Variants in TK2 observed in about 807,000 individuals in gnomAD.
TK2 encodes the protein thymidine kinase 2.
A neutral mutation model predicts 41.9 loss-of-function variants in TK2; 35 were observed. That is an observed-to-expected ratio of 0.84 (90% CI 0.64 to 1.11). TK2 has a LOEUF of 1.11. Ranked by LOEUF, TK2 falls within the 50% of genes least tolerant of loss-of-function variation. TK2 has a pLI of 0.00. For missense variants in TK2, 320 were observed against 351.1 expected (o/e 0.91, Z 0.71); for synonymous variants, 128 against 129.1 (o/e 0.99, Z 0.06).
At chr16:66,548,024 G>C in intron 2 of TK2, 1 of 1,205,458 alleles carries the variant, frequency 8.3e-7, no homozygotes, top group Non-Finnish European at 1.1e-6. Context: ...CTTGAGCCCA[G>C]GAGTTGGAGG....
chr16:66,535,942 C>A (rs529811559), intron 4 of TK2, among the ~76,000 whole-genome samples: 2 of 152,168 alleles, frequency 1.3e-5, no homozygotes, highest in African/African-American at 2.4e-5. Flanking sequence ...CAGTGGCTCA[C>A]GCCCGTAATC....
intron 3 of TK2, among the ~76,000 whole-genome samples, chr16:66,538,409 C>T (rs1018475364): frequency 2.0e-5 from 3 of 152,154 alleles, no homozygotes; most frequent in Non-Finnish European, 4.4e-5. Flanking sequence ...TCTTCCTAGC[C>T]CCTAAGTAGC....
At chr16:66,527,602 G>C (rs1964973968) in intron 6 of TK2, among the ~76,000 whole-genome samples, 1 of 152,206 alleles carries the variant, frequency 6.6e-6, no homozygotes, top group Non-Finnish European at 1.5e-5. Flanking sequence ...GGGGGGGTGG[G>C]TGGCAATAAA....
intron 1 of TK2, 122 bp downstream of exon 1, chr16:66,549,816 G>T (rs1036931996): frequency 5.4e-6 from 7 of 1,286,394 alleles, no homozygotes; most frequent in Non-Finnish European, 6.8e-6. Context: ...AGCCGCAGCC[G>T]GGGAGGAAAT....
intron 6 of TK2, among the ~76,000 whole-genome samples, chr16:66,528,657 G>C (rs1158793731): frequency 6.6e-6 from 1 of 152,310 alleles, no homozygotes; most frequent in Middle Eastern, 3.4e-3. Flanking sequence ...CTGGTTTGCT[G>C]GTCCCAGAAG....
At chr16:66,519,754 G>A (rs924128228) in intron 6 of TK2, among the ~76,000 whole-genome samples, 4 of 152,142 alleles carry the variant, frequency 2.6e-5, no homozygotes, top group African/African-American at 4.8e-5. Context: ...TGTGGGTCCC[G>A]CTCAGAGCTG....
intron 8 of TK2, 39 bp from the exon 9 acceptor site, chr16:66,513,850 G>C (rs753551720): frequency 3.2e-6 from 5 of 1,582,590 alleles, no homozygotes; most frequent in East Asian, 2.2e-5. Context: ...GGAGTGGACA[G>C]AGCAGACCCC....
intron 4 of TK2, among the ~76,000 whole-genome samples, chr16:66,534,871 G>A (rs1424161446): frequency 6.6e-6 from 1 of 152,156 alleles, no homozygotes; most frequent in African/African-American, 2.4e-5. Flanking sequence ...TTTTAGAGAT[G>A]GAGGTCTCAT....
intron 2 of TK2, chr16:66,548,663 A>G (rs1965682622): frequency 8.7e-6 from 3 of 344,468 alleles, no homozygotes; most frequent in Non-Finnish European, 1.6e-5. Context: ...CCAAGATGAA[A>G]CTGACCTTCC....
intron 1 of TK2, chr16:66,549,259 G>C: frequency 7.5e-7 from 1 of 1,325,642 alleles, no homozygotes; most frequent in Non-Finnish European, 9.7e-7. Flanking sequence ...ATTATACTTT[G>C]CATTTTCCAC....
chr16:66,542,020 G>A (rs1275456978), intron 2 of TK2, 67 bp from the exon 3 acceptor site: 2 of 1,526,554 alleles, frequency 1.3e-6, no homozygotes, highest in Admixed American at 1.7e-5. Context: ...GGGAATAATG[G>A]CTACGGAAAG....
chr16:66,515,525 T>C (rs1964586150), intron 8 of TK2, among the ~76,000 whole-genome samples: 1 of 152,218 alleles, frequency 6.6e-6, no homozygotes, highest in African/African-American at 2.4e-5. Flanking sequence ...CTCACACAGA[T>C]TCCACTCGCC....
intron 4 of TK2, among the ~76,000 whole-genome samples, chr16:66,532,612 AAAAT>A (rs1212071140): frequency 6.6e-6 from 1 of 152,028 alleles, no homozygotes; most frequent in African/African-American, 2.4e-5. Flanking sequence ...CTCGAAAAAA[AAAAT>A]AAATTAATTA....
At chr16:66,512,425 T>C (rs1213194167) in intron 9 of TK2, among the ~76,000 whole-genome samples, 1 of 152,170 alleles carries the variant, frequency 6.6e-6, no homozygotes, top group East Asian at 1.9e-4. Context: ...TTTTCCCTCA[T>C]CACTTTCTAC....
chr16:66,517,697 C>T lies in TK2; in HGVS notation c.538+92G>A. 1 of 1,216,894 alleles carries T rather than the reference C, an allele frequency of 8.2e-7. No individual in the cohort carries two copies. The highest frequency in any genetic ancestry group is 1.7e-5 in the Admixed American group (1 of 59,244). The allele number at this position is 1,216,894 out of a possible 1,614,324, so 75.4% of individuals were successfully genotyped here. On this transcript the variant is annotated intron_variant, in intron 7 of 9. Coordinates refer to ENST00000544898, the MANE Select transcript of TK2 (RefSeq NM_004614.5). This position sits in a 1 kb window ranked among gnomAD's most constrained non-coding sequence, Gnocchi z 4.3. ...GAACTGCCAAGGGCAAGTGCCTCAC[C>T]CACTGCCCCCAAGGGTTGGGGCCCA...
At position 66,548,977 on chromosome 16, in the gene TK2, C is replaced by G. The variant is rs770528089; in HGVS notation, c.156+1G>C. The G allele has an allele frequency of 1.2e-6, 2 of 1,613,024 alleles. No individual in the cohort carries two copies. The highest frequency in any genetic ancestry group is 1.7e-6 in the Non-Finnish European group (2 of 1,179,062). On this transcript the variant is annotated splice_donor_variant, in intron 2 of 9. Transcript: ENST00000544898. LOFTEE classifies it high-confidence loss of function. ...AGAGTACACATAAAAGAGGGACTTA[C>G]CACTGATTTTTTCTCTTTTTCCTGT...
chr16:66,536,973 G>A lies in TK2; in HGVS notation c.276C>T (p.His92=). 1 of 1,614,110 alleles carries A rather than the reference G, an allele frequency of 6.2e-7. No homozygotes were observed. Among genetic ancestry groups the A allele is most frequent in the Non-Finnish European group, 8.5e-7 (1 of 1,180,014 alleles). The part of the protein sequence containing the change: ...PVSKWRNVRG[H]NPLGLMYHDA... ...CCAACAACCCACTCACCAGAGGATT[G>A]TGGCCACGGACATTTCTCCACTTGG... Residue 92 remains histidine (H), a synonymous_variant, in exon 4 of 10, where the codon CAC becomes CAT. Transcript: ENST00000544898.
chr16:66,546,979 CTG>C (rs766512421), intron 2 of TK2, among the ~76,000 whole-genome samples: 5 of 152,128 alleles, frequency 3.3e-5, no homozygotes, highest in Non-Finnish European at 5.9e-5. Flanking sequence ...TCTCAGACTC[CTG>C]AGCTCAAGCA....
chr16:66,535,295 T>C (rs1597098808), intron 4 of TK2, among the ~76,000 whole-genome samples: 1 of 152,230 alleles, frequency 6.6e-6, no homozygotes, highest in African/African-American at 2.4e-5. Flanking sequence ...GAAAAGGCTA[T>C]CTGTACCAAG....
Sources: allele counts gnomAD v4.1 joint callset (sites outside exome capture counted in the v4.1 genomes callset), GRCh38; gene constraint gnomAD v4.1.1; non-coding constraint Gnocchi (gnomAD v3.1); transcripts MANE v1.5; gene names NCBI Gene and HGNC (gene_info 2026-07-23, HGNC 2026-07-21).